Variants in SH3RF3 observed in about 807,000 individuals in gnomAD.
SH3RF3 encodes SH3 domain containing ring finger 3.
In SH3RF3, 29 loss-of-function variants were observed where a neutral mutation model predicts 66.3. The observed-to-expected ratio is 0.44, with a 90% CI of 0.33 to 0.60. The LOEUF (loss-of-function observed/expected upper bound fraction) is 0.60, where lower values mean the gene tolerates loss of function less well. Among genes scored for constraint, SH3RF3 ranks in the 20% least tolerant of loss-of-function variants. The pLI, the probability that SH3RF3 is intolerant of heterozygous loss-of-function variation, is 0.04. For missense variants in SH3RF3, 1,194 were observed against 1,190.9 expected (o/e 1.00, Z -0.04); for synonymous variants, 583 against 532.0 (o/e 1.10, Z -1.32).
chr2:109,456,426 T>C lies in SH3RF3; in HGVS notation c.2148+6937T>C, dbSNP rs191306434. ...TTGAAGTTTTCCAGACAGCCTTTTT[T>C]GGAAGGCATAAACTGCTGGAGCATC... On this transcript the variant is annotated intron_variant, in intron 8 of 9. Coordinates refer to ENST00000309415, the MANE Select transcript of SH3RF3 (RefSeq NM_001099289.3). 1.9e-4 allele frequency among the ~76,000 whole-genome samples: 29 copies of C among 152,354 alleles called. No homozygotes were observed. In the East Asian group the frequency reaches 5.0e-3, roughly 26 times the overall value.
intron 1 of SH3RF3, among the ~76,000 whole-genome samples, chr2:109,342,043 T>C (rs1682562558): frequency 6.6e-6 from 1 of 152,198 alleles, no homozygotes; most frequent in East Asian, 1.9e-4. Flanking sequence ...TATGGACGAA[T>C]GTGTTCATCT....
chr2:109,136,018 G>C (rs930238687), intron 1 of SH3RF3, among the ~76,000 whole-genome samples: 2 of 152,180 alleles, frequency 1.3e-5, no homozygotes, highest in African/African-American at 4.8e-5. Flanking sequence ...CTTGTCTACA[G>C]CTGCCTAGAA....
intron 3 of SH3RF3, among the ~76,000 whole-genome samples, chr2:109,388,857 C>T (rs1038295657): frequency 5.3e-5 from 8 of 151,882 alleles, no homozygotes; most frequent in Admixed American, 2.0e-4. Flanking sequence ...GGTATAGAGA[C>T]GGGAGGGAAG....
chr2:109,344,878 G>A (rs1489140325), intron 1 of SH3RF3, among the ~76,000 whole-genome samples: 1 of 152,174 alleles, frequency 6.6e-6, no homozygotes, highest in Non-Finnish European at 1.5e-5. Context: ...CGTCAAGCAG[G>A]CATCTGGGTT....
intron 8 of SH3RF3, among the ~76,000 whole-genome samples, chr2:109,484,830 C>G (rs1678928489): frequency 1.3e-5 from 2 of 152,226 alleles, no homozygotes; most frequent in Non-Finnish European, 2.9e-5. Context: ...CTGGGACTGT[C>G]TGCAGGTGCT....
chr2:109,199,598 G>GAACCCGT (rs1678605045), intron 1 of SH3RF3, among the ~76,000 whole-genome samples: 1 of 234 alleles, frequency 4.3e-3, no homozygotes, highest in Non-Finnish European at 8.2e-3. Context: ...GGAATGGAAT[G>GAACCCGT]GAATGGAATG....
At position 109,250,506 on chromosome 2, in the gene SH3RF3, A is replaced by G. The variant is rs1023720233; in HGVS notation, c.574-97168A>G. The stretch of plus-strand genomic sequence containing the variant: ...TTATTATTATTAAAATAAATGGAAT[A>G]ATAATGGACTGGATTTTAAAGGATC... On this transcript the variant is annotated intron_variant, in intron 1 of 9. Coordinates refer to ENST00000309415, the MANE Select transcript of SH3RF3 (RefSeq NM_001099289.3). 8.6e-5 allele frequency among the ~76,000 whole-genome samples: 13 copies of G among 151,904 alleles called. No homozygotes were observed. In the East Asian group the frequency reaches 2.5e-3, roughly 29 times the overall value.
At chr2:109,206,468 G>A (rs1678840786) in intron 1 of SH3RF3, among the ~76,000 whole-genome samples, 1 of 135,592 alleles carries the variant, frequency 7.4e-6, no homozygotes, top group South Asian at 2.4e-4. Flanking sequence ...TCCAGCCTGG[G>A]CGACAGAGTG....
chr2:109,377,595 C>A (rs1213225898), intron 3 of SH3RF3, among the ~76,000 whole-genome samples: 2 of 152,024 alleles, frequency 1.3e-5, no homozygotes, highest in East Asian at 3.9e-4. Flanking sequence ...GTTTATAGAT[C>A]CTGGAAAAAA....
At chr2:109,132,455 C>G (rs934924979) in intron 1 of SH3RF3, among the ~76,000 whole-genome samples, 2 of 152,166 alleles carry the variant, frequency 1.3e-5, no homozygotes, top group Non-Finnish European at 2.9e-5. Flanking sequence ...TACTTGGAGT[C>G]CCCTGACGTG....
rs182923349 is a variant in SH3RF3, at chr2:109,364,881, A to G, written c.850-6705A>G. On this transcript the variant is annotated intron_variant, in intron 2 of 9. Coordinates refer to ENST00000309415, the MANE Select transcript of SH3RF3 (RefSeq NM_001099289.3). ...CAGTGCAGGCAGATTACTTGAGGTC[A>G]GGAGTTCGAGACCAGCCTGGCCAAC... Among the ~76,000 whole-genome samples the G allele has an allele frequency of 1.3e-3, 195 of 152,326 alleles. 2 individuals are homozygous for G. Among genetic ancestry groups the G allele is most frequent in the Admixed American group, 2.9e-3 (45 of 15,304 alleles).
intron 1 of SH3RF3, among the ~76,000 whole-genome samples, chr2:109,317,969 G>A (rs1342010124): frequency 6.6e-6 from 1 of 152,058 alleles, no homozygotes; most frequent in African/African-American, 2.4e-5. Flanking sequence ...GATGGATTCT[G>A]TGGCAAAGGC....
At chr2:109,313,104 C>T (rs2105433683) in intron 1 of SH3RF3, among the ~76,000 whole-genome samples, 1 of 152,294 alleles carries the variant, frequency 6.6e-6, no homozygotes, top group African/African-American at 2.4e-5. Flanking sequence ...GTGCTCCTGG[C>T]TCACACTGTA....
chr2:109,188,624 G>A (rs1463977632), intron 1 of SH3RF3, among the ~76,000 whole-genome samples: 1 of 152,210 alleles, frequency 6.6e-6, no homozygotes, highest in Non-Finnish European at 1.5e-5. Flanking sequence ...TGGTGAGGGT[G>A]CAGTCATCCA....
At chr2:109,190,211 T>C (rs1467298732) in intron 1 of SH3RF3, among the ~76,000 whole-genome samples, 2 of 152,222 alleles carry the variant, frequency 1.3e-5, no homozygotes, top group African/African-American at 2.4e-5. Context: ...CTCACTCTTA[T>C]TGCCCAGGCT....
At chr2:109,277,884 G>A (rs1431256465) in intron 1 of SH3RF3, among the ~76,000 whole-genome samples, 1 of 152,170 alleles carries the variant, frequency 6.6e-6, no homozygotes, top group Admixed American at 6.5e-5. Context: ...TCTGCTGAAA[G>A]GCATTTCAGG....
chr2:109,316,616 C>T (rs1490235416), intron 1 of SH3RF3, among the ~76,000 whole-genome samples: 1 of 152,204 alleles, frequency 6.6e-6, no homozygotes, highest in Non-Finnish European at 1.5e-5. Context: ...TTCCCATAGA[C>T]CTCCTGCCCC....
intron 3 of SH3RF3, among the ~76,000 whole-genome samples, chr2:109,380,713 C>T (rs1047913090): frequency 4.6e-5 from 7 of 152,180 alleles, no homozygotes; most frequent in Non-Finnish European, 1.0e-4. Flanking sequence ...GCACATGGAG[C>T]CTTGTGCCAT....
chr2:109,307,821 C>A (rs960681787), intron 1 of SH3RF3, among the ~76,000 whole-genome samples: 2 of 142,494 alleles, frequency 1.4e-5, no homozygotes, highest in East Asian at 2.0e-4. Flanking sequence ...TCCAGTCTAT[C>A]ATTGTTGGAC....
Sources: gnomAD v4.1 joint callset for allele counts (sites outside exome capture counted in the v4.1 genomes callset) on GRCh38, gnomAD v4.1.1 for gene constraint, MANE v1.5 for transcripts, NCBI Gene and HGNC (gene_info 2026-07-23, HGNC 2026-07-21) for gene names.